The following ZNF710 variants were observed in gnomAD, a reference collection of about 807,000 sequenced individuals.
ZNF710 encodes zinc finger protein 710.
Under a neutral mutation model 50.6 loss-of-function variants are expected in ZNF710, and 13 were observed. That is an observed-to-expected ratio of 0.26 (90% confidence interval 0.17 to 0.41). The LOEUF (loss-of-function observed/expected upper bound fraction) is 0.41, where lower values mean the gene tolerates loss of function less well. Ranked by LOEUF, ZNF710 falls within the 10% of genes least tolerant of loss-of-function variation. The probability of loss-of-function intolerance (pLI) is 1.00; values close to 1 mark genes in which losing one functional copy is unlikely to be tolerated. For synonymous variants in ZNF710, 383 were observed against 397.0 expected, an observed-to-expected ratio of 0.96 and a Z score of 0.42; for missense variants, 721 against 936.6, an observed-to-expected ratio of 0.77 and a Z score of 3.01.
At chr15:90,038,477 C>G (rs1439759274) in intron 1 of ZNF710, among the ~76,000 whole-genome samples, 1 of 152,218 alleles carries the variant, frequency 6.6e-6, no homozygotes, top group Non-Finnish European at 1.5e-5. Flanking sequence ...AGTACGTCAG[C>G]AGGTATCTTT....
intron 1 of ZNF710, among the ~76,000 whole-genome samples, chr15:90,052,579 T>C (rs1157977170): frequency 6.6e-6 from 1 of 152,190 alleles, no homozygotes; most frequent in East Asian, 1.9e-4. Context: ...CTCTGTGACG[T>C]AGACAAATCA....
chr15:90,000,362 C>A (rs369352038), upstream of ZNF710, among the ~76,000 whole-genome samples: 5 of 152,146 alleles, frequency 3.3e-5, no homozygotes, highest in African/African-American at 1.2e-4. Flanking sequence ...CGGCCTGCGC[C>A]GGAGCTGGAG....
chr15:90,031,027 A>AAAAC (rs1567226806), intron 1 of ZNF710, among the ~76,000 whole-genome samples: 1 of 150,118 alleles, frequency 6.7e-6, no homozygotes, highest in Non-Finnish European at 1.5e-5. Context: ...TCAAAAAAAA[A>AAAAC]GAAAAAAAAA....
rs1280140194 is a variant in ZNF710, at chr15:90,034,427, C to CGTGTGTGTGTGTGT, written c.-28-32683_-28-32682insGTGTGTGTGTGTGT. On this transcript the variant is annotated intron_variant, in intron 1 of 4. Coordinates refer to ENST00000268154, the MANE Select transcript of ZNF710 (RefSeq NM_198526.4). This position sits in a 1 kb window ranked among gnomAD's most constrained non-coding sequence, Gnocchi z 4.0. The stretch of plus-strand genomic sequence containing the variant: ...CAGCTGTCCTTCCTGTTTCCAAATT[C>CGTGTGTGTGTGTGT]CTGTGTGTGTGTGTGTGTGTGTGTG... Among the ~76,000 whole-genome samples, 3 of 113,698 alleles carry CGTGTGTGTGTGTGT rather than the reference C, an allele frequency of 2.6e-5. No homozygotes were observed. Among genetic ancestry groups the CGTGTGTGTGTGTGT allele is most frequent in the Non-Finnish European group, 3.6e-5 (2 of 55,818 alleles). The allele number at this position is 113,698 out of a possible 152,430, so 74.6% of individuals were successfully genotyped here. A position where few individuals can be genotyped will look rare whatever the true frequency, so the allele number is the denominator to read the frequency against.
chr15:90,022,803 T>C (rs1898662264), intron 1 of ZNF710, among the ~76,000 whole-genome samples: 1 of 152,214 alleles, frequency 6.6e-6, no homozygotes, highest in Admixed American at 6.5e-5. Flanking sequence ...TTAATGGGCT[T>C]GATTGTGTTT....
chr15:90,027,942 G>T (rs895548687), intron 1 of ZNF710, among the ~76,000 whole-genome samples: 10 of 152,098 alleles, frequency 6.6e-5, no homozygotes, highest in Non-Finnish European at 1.3e-4. Context: ...CAAATGGTGA[G>T]CTCCATGAGG....
chr15:90,026,267 A>C (rs1898775611), intron 1 of ZNF710, among the ~76,000 whole-genome samples: 1 of 127,782 alleles, frequency 7.8e-6, no homozygotes, highest in Non-Finnish European at 1.6e-5. Context: ...CAACAACAAC[A>C]ACAAAAAAAA....
chr15:90,070,025 A>G (rs1029515696), intron 2 of ZNF710, among the ~76,000 whole-genome samples: 2 of 151,978 alleles, frequency 1.3e-5, no homozygotes, highest in Non-Finnish European at 2.9e-5. Flanking sequence ...TCTCCCCATA[A>G]CGGTGGCCTA....
chr15:90,026,266 C>CAAAAAAA (rs373675360), intron 1 of ZNF710, among the ~76,000 whole-genome samples: 1 of 114,618 alleles, frequency 8.7e-6, no homozygotes, highest in African/African-American at 3.4e-5. Flanking sequence ...ACAACAACAA[C>CAAAAAAA]AACAAAAAAA....
At chr15:90,043,277 AGAG>A (rs1415183716) in intron 1 of ZNF710, among the ~76,000 whole-genome samples, 2 of 152,224 alleles carry the variant, frequency 1.3e-5, no homozygotes, top group East Asian at 3.9e-4. Context: ...GGGCTCTCAT[AGAG>A]GAGACCTGCG....
chr15:90,010,930 T>G (rs1163352900), intron 1 of ZNF710, among the ~76,000 whole-genome samples: 863 of 4,594 alleles, frequency 0.19, 6 homozygotes, highest in African/African-American at 0.42. Context: ...GGTTTTTTGT[T>G]TTTTTTTTTT....
intron 3 of ZNF710, 42 bp downstream of exon 3, chr15:90,073,304 G>T (rs1486191464): frequency 6.9e-6 from 11 of 1,591,198 alleles, no homozygotes; most frequent in Non-Finnish European, 9.4e-6. Flanking sequence ...CTCCCCGAGG[G>T]TGGTCTGGAA....
chr15:90,009,686 C>T (rs1898247319), intron 1 of ZNF710, among the ~76,000 whole-genome samples: 1 of 152,074 alleles, frequency 6.6e-6, no homozygotes, highest in Non-Finnish European at 1.5e-5. Flanking sequence ...CAGCTACAGT[C>T]ACACCTCTCT....
Position 90,071,677 on chromosome 15 carries a change from CTCTTTTTT to C in ZNF710, c.1459-1392_1459-1385del, listed in dbSNP as rs1270272912. Among the ~76,000 whole-genome samples, 39 of 127,290 alleles carry C rather than the reference CTCTTTTTT, an allele frequency of 3.1e-4. No individual in the cohort carries two copies. The South Asian group carries it at 0.011, about 37-fold the overall frequency. The allele number at this position is 127,290 out of a possible 152,430, so 83.5% of individuals were successfully genotyped here. ...AATTTCTTTTATTTATTTATTTTTA[CTCTTTTTT>C]TTTTTTTTTTTGAGACGGAGGCTTA... On this transcript the variant is annotated intron_variant, in intron 2 of 4. Transcript: ENST00000268154.
intron 1 of ZNF710, among the ~76,000 whole-genome samples, chr15:90,044,056 A>C (rs1477139762): frequency 6.6e-6 from 1 of 152,236 alleles, no homozygotes; most frequent in African/African-American, 2.4e-5. Context: ...CCATTGCTCT[A>C]AATGTGTAAA....
chr15:90,018,211 C>G (rs1898508834), intron 1 of ZNF710, among the ~76,000 whole-genome samples: 1 of 149,500 alleles, frequency 6.7e-6, no homozygotes, highest in African/African-American at 2.5e-5. Flanking sequence ...CTCTGTCACC[C>G]AGACTGGAGG....
chr15:90,077,628 A>C (rs551666812), intron 4 of ZNF710, among the ~76,000 whole-genome samples: 4 of 152,082 alleles, frequency 2.6e-5, no homozygotes, highest in Non-Finnish European at 5.9e-5. Context: ...GAAACAGCCC[A>C]AATCTATAAG....
intron 1 of ZNF710, among the ~76,000 whole-genome samples, chr15:90,008,228 C>T (rs928636932): frequency 2.0e-5 from 3 of 151,598 alleles, no homozygotes; most frequent in Admixed American, 6.6e-5. Flanking sequence ...CAGACCTGAC[C>T]CTTCCCCCAT....
At chr15:90,055,569 A>G (rs28698660) in intron 1 of ZNF710, among the ~76,000 whole-genome samples, 16,362 of 152,304 alleles carry the variant, frequency 0.11, 1,039 homozygotes, top group African/African-American at 0.15. Flanking sequence ...TGGTACAAGC[A>G]TAAGGCTTGC....
Sources: gnomAD v4.1 joint callset for allele counts (sites outside exome capture counted in the v4.1 genomes callset) on GRCh38, gnomAD v4.1.1 for gene constraint, Gnocchi (gnomAD v3.1) non-coding constraint, MANE v1.5 for transcripts, NCBI Gene and HGNC (gene_info 2026-07-23, HGNC 2026-07-21) for gene names.